Variants in UBXN7 observed in about 807,000 individuals in gnomAD.
UBXN7 encodes UBX domain protein 7.
Under a neutral mutation model 58.0 loss-of-function variants are expected in UBXN7, and 9 were observed. The ratio of observed to expected loss-of-function variants is 0.16; its 90% CI spans 0.09 to 0.27. The LOEUF (loss-of-function observed/expected upper bound fraction) is 0.27, where lower values mean the gene tolerates loss of function less well. Among genes scored for constraint, UBXN7 ranks in the 10% least tolerant of loss-of-function variants. UBXN7 has a pLI of 1.00. For missense variants in UBXN7, 328 were observed against 599.6 expected (o/e 0.55, Z 4.73); for synonymous variants, 208 against 205.0 (o/e 1.01, Z -0.12).
At position 196,353,215 on chromosome 3, in the gene UBXN7, A is replaced by T. The variant is rs1445016118; in HGVS notation, c.*3470T>A. Reference sequence around the variant, plus strand: ...GACCACAGCATGGACTCTGGATTCCAATTCTGATTTGCCACTCACTAGCTA... The same window carrying T: ...GACCACAGCATGGACTCTGGATTCCTATTCTGATTTGCCACTCACTAGCTA... On this transcript the variant is annotated 3_prime_UTR_variant, in exon 11 of 11. Transcript: ENST00000296328. 1 of 152,214 alleles carries T rather than the reference A, an allele frequency of 6.6e-6. No individual in the cohort carries two copies. Among genetic ancestry groups the T allele is most frequent in the Non-Finnish European group, 1.5e-5 (1 of 68,038 alleles). The allele number at this position is 152,214 out of a possible 1,614,324, so 9.4% of individuals were successfully genotyped here.
At chr3:196,376,545 C>CAAAAAAAAAAAAAAAAA (rs777458391) in intron 5 of UBXN7, among the ~76,000 whole-genome samples, 139 of 50,646 alleles carry the variant, frequency 2.7e-3, no homozygotes, top group Middle Eastern at 0.015. Context: ...GACTCTGTCT[C>CAAAAAAAAAAAAAAAAA]AAAAAAAAAA....
intron 3 of UBXN7, among the ~76,000 whole-genome samples, chr3:196,398,837 A>C (rs749549594): frequency 5.3e-5 from 8 of 151,964 alleles, no homozygotes; most frequent in Non-Finnish European, 1.0e-4. Flanking sequence ...GGGTCTCCCT[A>C]TGTAGCCCAG....
rs1326413913 is a variant in UBXN7 at position 196,356,752 on chromosome 3, T to C, written c.1403A>G (p.Tyr468Cys). ...GCCTGCCTCTTGCAATGTAATATCA[T>C]AGTCCAGATGAGATAATTTCCTTCG... is the stretch of plus-strand genomic sequence containing the variant. ...FPRRKLSHLD[Y>C]DITLQEAGLC... The change falls in exon 11 of 11, where the codon TAT (tyrosine) becomes TGT (cysteine). Residue 468 changes from tyrosine to cysteine, a missense_variant. Tyr to Cys is a radical substitution (Grantham distance 194). Transcript: ENST00000296328. The C allele has an allele frequency of 1.2e-6, 2 of 1,613,796 alleles. No individual in the cohort carries two copies. Among genetic ancestry groups the C allele is most frequent in the South Asian group, 1.1e-5 (1 of 90,976 alleles).
Position 196,403,005 on chromosome 3 carries a change from G to T in UBXN7, c.236C>A (p.Ala79Asp). 1 of 1,592,802 alleles carries T rather than the reference G, an allele frequency of 6.3e-7. No homozygotes were observed. ...TATTTCCTGCTTTTGAGGAATTGGG[G>T]CACGAACTTCTTCTCTATTAAAAAA... Reference protein sequence around the residue: ...VRPHTEEEVRAPIPQKQEILV... With the variant: ...VRPHTEEEVRDPIPQKQEILV... The change falls in exon 3 of 11, where the codon GCC (alanine) becomes GAC (aspartate). Residue 79 changes from alanine (A) to aspartate (D), a missense_variant. Ala to Asp is a moderately radical substitution (Grantham distance 126). Transcript: ENST00000296328.
At chr3:196,418,710 A>C (rs1220484421) in intron 1 of UBXN7, among the ~76,000 whole-genome samples, 1 of 152,252 alleles carries the variant, frequency 6.6e-6, no homozygotes, top group African/African-American at 2.4e-5. Context: ...AGAATTTCTA[A>C]AGATTCACAG....
rs533521923 is a variant in UBXN7 at position 196,384,810 on chromosome 3, AAG to A, written c.468+7001_468+7002del. ...TTGATGGAACGTATCTCAAAATAAT[AAG>A]AGATATTTATGGCAAACCCACAGCC... On this transcript the variant is annotated intron_variant, in intron 5 of 10. Transcript: ENST00000296328. Among the ~76,000 whole-genome samples, 224 of 152,322 alleles carry A rather than the reference AAG, an allele frequency of 1.5e-3. 2 individuals are homozygous for A. Among genetic ancestry groups the A allele is most frequent in the South Asian group, 4.1e-3 (20 of 4,832 alleles).
chr3:196,419,030 C>T (rs544580968), intron 1 of UBXN7, among the ~76,000 whole-genome samples: 3 of 152,270 alleles, frequency 2.0e-5, no homozygotes, highest in African/African-American at 7.2e-5. Context: ...CTTTGGGAGG[C>T]CGATGTGGGT....
At chr3:196,390,432 G>C (rs932302620) in intron 5 of UBXN7, among the ~76,000 whole-genome samples, 2 of 152,006 alleles carry the variant, frequency 1.3e-5, no homozygotes, top group Non-Finnish European at 2.9e-5. Context: ...TTGGCCTACA[G>C]GGTCCTAACA....
intron 5 of UBXN7, among the ~76,000 whole-genome samples, chr3:196,388,387 T>C (rs550244336): frequency 1.3e-5 from 2 of 152,032 alleles, no homozygotes; most frequent in East Asian, 1.9e-4. Context: ...ACATGGCACA[T>C]GTATACCTAT....
chr3:196,357,487 A>T (rs919673402), intron 10 of UBXN7, among the ~76,000 whole-genome samples: 3 of 152,204 alleles, frequency 2.0e-5, no homozygotes, highest in African/African-American at 7.2e-5. Context: ...TTAAAAACAG[A>T]GGGTGTCGGG....
chr3:196,385,299 C>T (rs1729342719), intron 5 of UBXN7, among the ~76,000 whole-genome samples: 1 of 152,208 alleles, frequency 6.6e-6, no homozygotes, highest in Non-Finnish European at 1.5e-5. Flanking sequence ...CTCGCTCAGT[C>T]AGTGCTCAAT....
In UBXN7 at chr3:196,356,808, A is replaced by G. The variant is rs756670898; in HGVS notation, c.1347T>C (p.Asn449=). ...VKHVQSKGYP[N]ERFELLTNFP... Reference sequence around the variant, plus strand: ...AGTTGGTGAGAAGTTCAAAACGTTCATTTGGGTATCCTTTAGACTGCACGT... The same window carrying G: ...AGTTGGTGAGAAGTTCAAAACGTTCGTTTGGGTATCCTTTAGACTGCACGT... The change falls in exon 11 of 11, where the codon AAT becomes AAC. Residue 449 remains asparagine, a synonymous_variant. Coordinates refer to ENST00000296328, the MANE Select transcript of UBXN7 (RefSeq NM_015562.2). 9.3e-6 allele frequency: 15 copies of G among 1,613,714 alleles called. No individual in the cohort carries two copies. In the Admixed American group the frequency reaches 2.0e-4, roughly 22 times the overall value.
rs144595952 is a variant in UBXN7, at chr3:196,372,300, T to TTCTCTCTCTCTCTCTC, written c.469-274_469-259dup. Among the ~76,000 whole-genome samples the TTCTCTCTCTCTCTCTC allele has an allele frequency of 1.3e-3, 173 of 133,612 alleles. 1 individual carries two copies. The highest frequency in any genetic ancestry group is 5.2e-3 in the South Asian group (20 of 3,872). 87.7% of individuals were successfully genotyped at this position (133,612 alleles called of 152,430 possible). ...TCCAGTTATTTGTTATAATAGCTGA[T>TTCTCTCTCTCTCTCTC]TCTCTCTCTCTCTCTCTCTCTCTCT... is the stretch of plus-strand genomic sequence containing the variant. On this transcript the variant is annotated intron_variant, in intron 5 of 10. Transcript: ENST00000296328.
chr3:196,430,805 T>C (rs1265516327), intron 1 of UBXN7, among the ~76,000 whole-genome samples: 2 of 152,180 alleles, frequency 1.3e-5, no homozygotes, highest in African/African-American at 2.4e-5. Context: ...AACACTAACT[T>C]ATATACACAA....
At chr3:196,430,815 A>G (rs1731006836) in intron 1 of UBXN7, among the ~76,000 whole-genome samples, 1 of 152,214 alleles carries the variant, frequency 6.6e-6, no homozygotes, top group Admixed American at 6.5e-5. Flanking sequence ...TATATACACA[A>G]TAATCTTCTC....
intron 10 of UBXN7, among the ~76,000 whole-genome samples, chr3:196,357,999 C>A (rs1002707466): frequency 6.6e-6 from 1 of 151,812 alleles, no homozygotes; most frequent in Non-Finnish European, 1.5e-5. Context: ...TCGTGCCCCA[C>A]AGCACTCCAG....
At chr3:196,413,387 T>C (rs994718240) in intron 1 of UBXN7, among the ~76,000 whole-genome samples, 49 of 152,138 alleles carry the variant, frequency 3.2e-4, no homozygotes, top group African/African-American at 1.2e-3. Context: ...GTTAATACAA[T>C]TTAAAAAATT....
chr3:196,385,980 G>A (rs1177564066), intron 5 of UBXN7, among the ~76,000 whole-genome samples: 1 of 152,166 alleles, frequency 6.6e-6, no homozygotes, highest in Non-Finnish European at 1.5e-5. Flanking sequence ...GATTGTTACT[G>A]TGTCTGCGTA....
chr3:196,427,626 ATT>A (rs1430820703), intron 1 of UBXN7, among the ~76,000 whole-genome samples: 3 of 152,120 alleles, frequency 2.0e-5, no homozygotes, highest in Non-Finnish European at 4.4e-5. Context: ...GCTTCAAAAC[ATT>A]TTTAAAAATT....
Sources: gnomAD v4.1 joint callset for allele counts (sites outside exome capture counted in the v4.1 genomes callset) on GRCh38, gnomAD v4.1.1 for gene constraint, MANE v1.5 for transcripts, NCBI Gene and HGNC (gene_info 2026-07-23, HGNC 2026-07-21) for gene names.